The following PROS1 variants were observed in gnomAD, a reference collection of about 807,000 sequenced individuals.
PROS1 encodes vitamin K-dependent protein S.
PROS1 carries 29 observed loss-of-function variants against 75.9 expected under a neutral mutation model. That is an observed-to-expected ratio of 0.38 (90% CI 0.28 to 0.52). PROS1 has a LOEUF of 0.52. Ranked by LOEUF, PROS1 falls within the 20% of genes least tolerant of loss-of-function variation. PROS1 has a pLI of 0.83. For missense variants in PROS1, 680 were observed against 810.3 expected (o/e 0.84, Z 1.95); for synonymous variants, 245 against 280.6 (o/e 0.87, Z 1.27).
chr3:93,941,349 T>C (rs1391174220), intron 1 of PROS1, among the ~76,000 whole-genome samples: 2 of 152,168 alleles, frequency 1.3e-5, no homozygotes, highest in African/African-American at 4.8e-5. Context: ...TAACTTGGCA[T>C]AGTTCTTCAT....
At chr3:93,951,677 A>C (rs1355355540) in intron 1 of PROS1, among the ~76,000 whole-genome samples, 2 of 152,234 alleles carry the variant, frequency 1.3e-5, no homozygotes, top group Non-Finnish European at 2.9e-5. Flanking sequence ...CTAGGAAGAA[A>C]CTGCATCAGC....
intron 1 of PROS1, among the ~76,000 whole-genome samples, chr3:93,945,093 T>C (rs1353785310): frequency 6.6e-6 from 1 of 151,912 alleles, no homozygotes; most frequent in South Asian, 2.1e-4. Flanking sequence ...CTGGGACACA[T>C]GCACCCTCCC....
At chr3:93,957,346 G>C (rs904996581) in intron 1 of PROS1, among the ~76,000 whole-genome samples, 15 of 152,190 alleles carry the variant, frequency 9.9e-5, no homozygotes, top group African/African-American at 3.1e-4. Context: ...TCTCTGGTCA[G>C]TGGTACTACA....
At chr3:93,912,362 G>T in intron 3 of PROS1, among the ~76,000 whole-genome samples, 1 of 152,104 alleles carries the variant, frequency 6.6e-6, no homozygotes, top group East Asian at 1.9e-4. Flanking sequence ...TGTCTCCATG[G>T]AAAGATCTTT....
chr3:93,912,510 GAT>G (rs1355956642), intron 3 of PROS1, among the ~76,000 whole-genome samples: 2 of 152,164 alleles, frequency 1.3e-5, no homozygotes, highest in African/African-American at 4.8e-5. Flanking sequence ...ACCATGGTGA[GAT>G]AGAATATTTT....
intron 4 of PROS1, among the ~76,000 whole-genome samples, chr3:93,909,257 C>T (rs780165357): frequency 6.6e-6 from 1 of 151,712 alleles, no homozygotes; most frequent in Non-Finnish European, 1.5e-5. Context: ...GGAGAACACA[C>T]CCAAGACCCC....
intron 1 of PROS1, among the ~76,000 whole-genome samples, chr3:93,943,323 C>T (rs1326746654): frequency 3.9e-5 from 6 of 152,148 alleles, no homozygotes; most frequent in Non-Finnish European, 8.8e-5. Flanking sequence ...CTTGGACACT[C>T]TCTAATTGGA....
intron 3 of PROS1, 181 bp from the exon 4 acceptor site, chr3:93,910,886 C>A: frequency 6.6e-6 from 4 of 607,618 alleles, no homozygotes; most frequent in Admixed American, 2.9e-5. Context: ...AATCTACAAG[C>A]AAGATGGCAA....
At chr3:93,966,116 C>A (rs917886240) in intron 1 of PROS1, among the ~76,000 whole-genome samples, 1 of 152,172 alleles carries the variant, frequency 6.6e-6, no homozygotes, top group Non-Finnish European at 1.5e-5. Flanking sequence ...TATAAAGCTA[C>A]AGCCAAAAAC....
In PROS1 at chr3:93,932,269, T is replaced by C. The variant is rs79401311; in HGVS notation, c.77-4862A>G. On this transcript the variant is annotated intron_variant, in intron 1 of 14. Transcript: ENST00000394236. ...AGATTAAAATTTTCCGTTTTATATA[T>C]GAATAAGCTAAAATTTAAAGTTGAG... 2.7e-3 allele frequency among the ~76,000 whole-genome samples: 412 copies of C among 152,358 alleles called. 2 individuals are homozygous for C. The highest frequency in any genetic ancestry group is 9.2e-3 in the African/African-American group (382 of 41,588).
rs75801216 is a variant in PROS1, at chr3:93,945,350, C to A, written c.77-17943G>T. On this transcript the variant is annotated intron_variant, in intron 1 of 14. Transcript: ENST00000394236. ...ATACCAAAGCCTGGCAGAGACACAA[C>A]AACAAAAAAAAGAGAATTGTAGACC... Among the ~76,000 whole-genome samples, 813 of 151,932 alleles carry A rather than the reference C, an allele frequency of 5.4e-3. 6 individuals are homozygous for A. The highest frequency in any genetic ancestry group is 0.014 in the African/African-American group (583 of 41,474).
intron 4 of PROS1, among the ~76,000 whole-genome samples, chr3:93,910,051 A>G (rs566601790): frequency 2.0e-5 from 3 of 152,322 alleles, no homozygotes; most frequent in African/African-American, 7.2e-5. Flanking sequence ...TCAATCCTGG[A>G]TGTAAAATAT....
At position 93,896,635 on chromosome 3, in the gene PROS1, C is replaced by A; in HGVS notation, c.906G>T (p.Leu302Phe). 1 of 1,613,806 alleles carries A rather than the reference C, an allele frequency of 6.2e-7. No homozygotes were observed. Among genetic ancestry groups the A allele is most frequent in the Non-Finnish European group, 8.5e-7 (1 of 1,179,848 alleles). The change falls in exon 9 of 15, where the codon TTG becomes TTT. Residue 302 changes from leucine (L) to phenylalanine (F), a missense_variant. Physicochemically the swap from Leu to Phe is conservative, Grantham distance 22. Transcript: ENST00000394236. Reference protein sequence around the residue: ...NLDTKYELLYLAEQFAGVVLY... With the variant: ...NLDTKYELLYFAEQFAGVVLY... Reference sequence around the variant, plus strand: ...AAACAACCCCTGCAAACTGCTCCGCCAAGTAAAGTAATTCATACTTTGTGT... The same window carrying A: ...AAACAACCCCTGCAAACTGCTCCGCAAAGTAAAGTAATTCATACTTTGTGT...
Position 93,927,292 on chromosome 3 carries a change from A to T in PROS1, c.192T>A (p.Asn64Lys). ...LERECIEELC[N>K]KEEAREVFEN... ...CAAAGACCTCCCTGGCTTCTTCTTT[A>T]TTGCACAGTTCTTCGATGCATTCTC... The change falls in exon 2 of 15, where the codon AAT becomes AAA. Residue 64 changes from asparagine to lysine, a missense_variant. Physicochemically the swap from Asn to Lys is moderately conservative, Grantham distance 94 (BLOSUM62 0). Coordinates refer to ENST00000394236, the MANE Select transcript of PROS1 (RefSeq NM_000313.4). 6.2e-7 allele frequency: 1 copy of T among 1,613,138 alleles called. No individual in the cohort carries two copies. The highest frequency in any genetic ancestry group is 8.5e-7 in the Non-Finnish European group (1 of 1,179,978).
intron 4 of PROS1, among the ~76,000 whole-genome samples, chr3:93,910,096 T>A (rs1218283113): frequency 6.6e-6 from 1 of 152,206 alleles, no homozygotes; most frequent in Non-Finnish European, 1.5e-5. Flanking sequence ...TATCCTGTGA[T>A]TGCACCATTT....
At chr3:93,911,972 T>A (rs1192138502) in intron 3 of PROS1, among the ~76,000 whole-genome samples, 4 of 152,212 alleles carry the variant, frequency 2.6e-5, no homozygotes, top group Non-Finnish European at 5.9e-5. Flanking sequence ...AAATACAGTG[T>A]ATCACAGACA....
chr3:93,906,810 G>A (rs1190615097), intron 4 of PROS1, among the ~76,000 whole-genome samples: 1 of 152,192 alleles, frequency 6.6e-6, no homozygotes, highest in African/African-American at 2.4e-5. Flanking sequence ...CACCCACTCT[G>A]GTCATGGAAC....
chr3:93,955,461 C>G (rs1342507842), intron 1 of PROS1, among the ~76,000 whole-genome samples: 1 of 151,966 alleles, frequency 6.6e-6, no homozygotes, highest in Non-Finnish European at 1.5e-5. Flanking sequence ...TCATTCTCAG[C>G]AAACTATTGC....
intron 1 of PROS1, among the ~76,000 whole-genome samples, chr3:93,965,667 C>T (rs1709777645): frequency 6.6e-6 from 1 of 152,122 alleles, no homozygotes. Flanking sequence ...AGCAAGGACC[C>T]CCCGGTAACA....
Sources: allele counts gnomAD v4.1 joint callset (sites outside exome capture counted in the v4.1 genomes callset), GRCh38; gene constraint gnomAD v4.1.1; transcripts MANE v1.5; gene names NCBI Gene and HGNC (gene_info 2026-07-23, HGNC 2026-07-21).